Variants in SCHIP1 observed in about 807,000 individuals in gnomAD.
SCHIP1 encodes schwannomin interacting protein 1, also known as schwannomin-interacting protein 1.
Under a neutral mutation model 29.7 loss-of-function variants are expected in SCHIP1, and 8 were observed. The ratio of observed to expected loss-of-function variants is 0.27; its 90% confidence interval spans 0.16 to 0.49. The LOEUF (loss-of-function observed/expected upper bound fraction) is 0.49. Ranked by LOEUF, SCHIP1 falls within the 20% of genes least tolerant of loss-of-function variation. The pLI, the probability that SCHIP1 is intolerant of heterozygous loss-of-function variation, is 0.99. For synonymous variants in SCHIP1, 76 were observed against 94.9 expected (o/e 0.80, Z 1.16); for missense variants, 193 against 294.6 (o/e 0.66, Z 2.52).
chr3:159,851,862 G>A (rs1011264807), intron 1 of SCHIP1, among the ~76,000 whole-genome samples: 3 of 152,136 alleles, frequency 2.0e-5, no homozygotes, highest in African/African-American at 7.2e-5. Flanking sequence ...TCTCTTCCAG[G>A]GAAAACCCTG....
chr3:159,672,988 T>C, the SCHIP1 span, among the ~76,000 whole-genome samples: 3 of 152,184 alleles, frequency 2.0e-5, no homozygotes, highest in Admixed American at 2.0e-4. Flanking sequence ...AGAGAGTCTC[T>C]GAACCATATA....
At chr3:159,513,217 CAG>C in the SCHIP1 span, among the ~76,000 whole-genome samples, 1 of 152,188 alleles carries the variant, frequency 6.6e-6, no homozygotes, top group African/African-American at 2.4e-5. Flanking sequence ...ATCCAGGGTA[CAG>C]AGAGGGGAGA....
At chr3:159,542,982 T>A in the SCHIP1 span, among the ~76,000 whole-genome samples, 4 of 152,026 alleles carry the variant, frequency 2.6e-5, no homozygotes, top group South Asian at 8.3e-4. Context: ...GGATTACTAT[T>A]CCAAGCGCCA....
chr3:159,806,271 T>C, the SCHIP1 span, among the ~76,000 whole-genome samples: 1 of 152,214 alleles, frequency 6.6e-6, no homozygotes, highest in Admixed American at 6.5e-5. Flanking sequence ...GAATTTTTTA[T>C]TATAAGCAGA....
chr3:159,345,577 T>TCG, the SCHIP1 span, among the ~76,000 whole-genome samples: 2 of 151,762 alleles, frequency 1.3e-5, no homozygotes, highest in African/African-American at 4.8e-5. Context: ...TCTCTCTCTC[T>TCG]CTCACTCACT....
chr3:159,828,674 C>T, the SCHIP1 span, among the ~76,000 whole-genome samples: 2 of 151,838 alleles, frequency 1.3e-5, no homozygotes, highest in East Asian at 1.9e-4. Flanking sequence ...TTCTCTTCCC[C>T]AGTACTCTAT....
the SCHIP1 span, among the ~76,000 whole-genome samples, chr3:159,653,638 G>A: frequency 1.3e-5 from 2 of 151,628 alleles, no homozygotes; most frequent in African/African-American, 2.4e-5. Context: ...CCTAATGCAT[G>A]AAGGGCTTAA....
At chr3:159,441,360 A>G in the SCHIP1 span, among the ~76,000 whole-genome samples, 1 of 152,054 alleles carries the variant, frequency 6.6e-6, no homozygotes, top group Non-Finnish European at 1.5e-5. Flanking sequence ...CTGTCTTCAG[A>G]CTCTATTTTA....
the SCHIP1 span, among the ~76,000 whole-genome samples, chr3:159,568,772 C>A: frequency 6.6e-6 from 1 of 152,062 alleles, no homozygotes; most frequent in African/African-American, 2.4e-5. Context: ...TTTCTATATC[C>A]TTAATGAATT....
chr3:159,367,507 C>T, the SCHIP1 span, among the ~76,000 whole-genome samples: 1,342 of 152,038 alleles, frequency 8.8e-3, 18 homozygotes, highest in African/African-American at 0.031. Flanking sequence ...TGTGAAATTC[C>T]GTGACTCATA....
At chr3:159,386,348 G>A in the SCHIP1 span, among the ~76,000 whole-genome samples, 1 of 152,134 alleles carries the variant, frequency 6.6e-6, no homozygotes, top group African/African-American at 2.4e-5. Flanking sequence ...TCTTCAAGGG[G>A]AACTACAAAC....
At chr3:159,375,168 G>A in the SCHIP1 span, among the ~76,000 whole-genome samples, 1 of 152,084 alleles carries the variant, frequency 6.6e-6, no homozygotes, top group Non-Finnish European at 1.5e-5. Context: ...GTGTCCTCAG[G>A]GAACTCACAT....
At chr3:159,323,153 A>G in the SCHIP1 span, among the ~76,000 whole-genome samples, 13 of 152,334 alleles carry the variant, frequency 8.5e-5, no homozygotes, top group African/African-American at 3.1e-4. Context: ...ATTATATACT[A>G]ATTTGGATAT....
At chr3:159,274,307 A>G in the SCHIP1 span, 13 of 983,934 alleles carry the variant, frequency 1.3e-5, no homozygotes, top group Non-Finnish European at 1.6e-5. Flanking sequence ...AACTTTTTCA[A>G]TTTAGATTAT....
chr3:159,679,786 C>T, the SCHIP1 span, among the ~76,000 whole-genome samples: 1 of 152,150 alleles, frequency 6.6e-6, no homozygotes, highest in Admixed American at 6.5e-5. Context: ...GAGAGCAGTA[C>T]TGTGCTCACC....
chr3:159,702,721 GAGTGA>G, the SCHIP1 span, among the ~76,000 whole-genome samples: 1 of 152,246 alleles, frequency 6.6e-6, no homozygotes, highest in Non-Finnish European at 1.5e-5. Context: ...TTCAGAAAAT[GAGTGA>G]AGCATTTGAA....
chr3:159,422,068 A>T, the SCHIP1 span, among the ~76,000 whole-genome samples: 2 of 152,210 alleles, frequency 1.3e-5, no homozygotes, highest in Non-Finnish European at 2.9e-5. Flanking sequence ...TTAGTTGCTA[A>T]ATTTAAATTC....
the SCHIP1 span, among the ~76,000 whole-genome samples, chr3:159,799,543 CCTGCTGGCCAA>C: frequency 2.0e-5 from 3 of 152,210 alleles, no homozygotes; most frequent in South Asian, 6.2e-4. Context: ...GACGGACAAG[CCTGCTGGCCAA>C]CTGACAGACA....
chr3:159,882,665 A>G (rs1716562332), intron 2 of SCHIP1, among the ~76,000 whole-genome samples: 1 of 152,224 alleles, frequency 6.6e-6, no homozygotes, highest in Non-Finnish European at 1.5e-5. Context: ...TTACCTTTAT[A>G]TAAAATCATA....
Sources: gnomAD v4.1 joint callset for allele counts (sites outside exome capture counted in the v4.1 genomes callset) on GRCh38, gnomAD v4.1.1 for gene constraint, MANE v1.5 for transcripts, NCBI Gene and HGNC (gene_info 2026-07-23, HGNC 2026-07-21) for gene names.